Variants in TRPC4 observed in about 807,000 individuals in gnomAD.
TRPC4 encodes transient receptor potential cation channel subfamily C member 4.
A neutral mutation model predicts 99.4 loss-of-function variants in TRPC4; 49 were observed. The observed-to-expected ratio is 0.49, with a 90% CI of 0.39 to 0.63. The LOEUF is 0.63. TRPC4 is among the 20% of genes least tolerant of loss of function. TRPC4 has a pLI of 0.00. For missense variants in TRPC4, 898 were observed against 1,152.9 expected (o/e 0.78, Z 3.20); for synonymous variants, 454 against 425.9 (o/e 1.07, Z -0.81).
At chr13:37,790,330 C>T (rs1294278751) in intron 1 of TRPC4, among the ~76,000 whole-genome samples, 1 of 152,046 alleles carries the variant, frequency 6.6e-6, no homozygotes, top group African/African-American at 2.4e-5. Context: ...GAATAACTCC[C>T]TTAGGGACAG....
chr13:37,632,513 A>G lies in TRPC4; in HGVS notation c.*4390T>C, dbSNP rs1369902977. ...GAGTATAGGAGCTACGTTACTGAAC[A>G]GTGCAGCTCTAGAGGAAATTAACGG... On this transcript the variant is annotated 3_prime_UTR_variant, in exon 11 of 11. Coordinates refer to ENST00000379705, the MANE Select transcript of TRPC4 (RefSeq NM_016179.4). 1.3e-5 allele frequency among the ~76,000 whole-genome samples: 2 copies of G among 152,170 alleles called. No homozygotes were observed. Among genetic ancestry groups the G allele is most frequent in the Non-Finnish European group, 2.9e-5 (2 of 68,034 alleles).
Position 37,690,812 on chromosome 13 carries a change from CT to C in TRPC4, c.1234+1186del, listed in dbSNP as rs11389220. ...AACATATTTATCTCAAATAGGCTGT[CT>C]TTTTTTTTTCTGCCTTGATGTCATT... On this transcript the variant is annotated intron_variant, in intron 4 of 10. Coordinates refer to ENST00000379705, the MANE Select transcript of TRPC4 (RefSeq NM_016179.4). Among the ~76,000 whole-genome samples, 6 of 149,752 alleles carry C rather than the reference CT, an allele frequency of 4.0e-5. No individual in the cohort carries two copies. In the East Asian group the frequency reaches 5.9e-4, roughly 15 times the overall value.
At chr13:37,752,650 C>G (rs1955966935) in intron 2 of TRPC4, among the ~76,000 whole-genome samples, 1 of 151,568 alleles carries the variant, frequency 6.6e-6, no homozygotes, top group Admixed American at 6.6e-5. Context: ...TTCAGAATGT[C>G]CTAATGTTAC....
chr13:37,678,208 C>T (rs1417648171), intron 4 of TRPC4, among the ~76,000 whole-genome samples: 5 of 151,594 alleles, frequency 3.3e-5, no homozygotes, highest in Admixed American at 6.6e-5. Flanking sequence ...TCAATTAAGA[C>T]AGTATAAAAA....
At chr13:37,665,872 A>AG (rs1325898542) in intron 5 of TRPC4, among the ~76,000 whole-genome samples, 2 of 149,904 alleles carry the variant, frequency 1.3e-5, no homozygotes, top group Non-Finnish European at 3.0e-5. Flanking sequence ...AATACATAAG[A>AG]GGAAGGTTTT....
intron 4 of TRPC4, among the ~76,000 whole-genome samples, chr13:37,676,529 C>G (rs4943531): frequency 0.61 from 93,199 of 151,802 alleles, 29,583 homozygotes; most frequent in East Asian, 0.8. Context: ...CGCACTACCC[C>G]ATCCGGCTAA....
chr13:37,723,007 T>C (rs1954925934), intron 3 of TRPC4, among the ~76,000 whole-genome samples: 2 of 152,144 alleles, frequency 1.3e-5, no homozygotes, highest in African/African-American at 4.8e-5. Flanking sequence ...TGACTAGTAC[T>C]TAATGGGAGC....
Position 37,720,930 on chromosome 13 carries a change from A to T in TRPC4, c.897+25007T>A, listed in dbSNP as rs549033812. Among the ~76,000 whole-genome samples the T allele has an allele frequency of 7.2e-5, 11 of 152,206 alleles. 1 individual carries two copies. Among genetic ancestry groups the T allele is most frequent in the Non-Finnish European group, 1.6e-4 (11 of 68,030 alleles). ...TCAGTGATTTACACAACAGACTCAT[A>T]GGCTGGTGTAAAAATGTTTGCCACT... On this transcript the variant is annotated intron_variant, in intron 3 of 10. Transcript: ENST00000379705.
At chr13:37,768,992 T>C (rs1181176847) in intron 2 of TRPC4, among the ~76,000 whole-genome samples, 2 of 151,390 alleles carry the variant, frequency 1.3e-5, no homozygotes, top group Non-Finnish European at 3.0e-5. Context: ...TAGATCATGG[T>C]GGTTCACATT....
rs1472856549 is a variant in TRPC4, at chr13:37,655,410, A to G, written c.1689-127T>C. Reference sequence around the variant, plus strand: ...AATTAACTTAAACATTAATATCAACAGTAAAATAACCTTTTAGGACAATTA... The same window carrying G: ...AATTAACTTAAACATTAATATCAACGGTAAAATAACCTTTTAGGACAATTA... On this transcript the variant is annotated intron_variant, in intron 6 of 10. Coordinates refer to ENST00000379705, the MANE Select transcript of TRPC4 (RefSeq NM_016179.4). 5 of 339,308 alleles carry G rather than the reference A, an allele frequency of 1.5e-5. No homozygotes were observed. The Admixed American group carries it at 2.0e-4, about 14-fold the overall frequency. 21.0% of individuals were successfully genotyped at this position (339,308 alleles called of 1,614,324 possible).
chr13:37,750,801 C>T (rs952678400), intron 2 of TRPC4, among the ~76,000 whole-genome samples: 2 of 151,978 alleles, frequency 1.3e-5, no homozygotes, highest in African/African-American at 4.8e-5. Flanking sequence ...CTCCCCTAGC[C>T]CCCAACCCTC....
intron 8 of TRPC4, among the ~76,000 whole-genome samples, chr13:37,645,479 C>T (rs570379178): frequency 6.6e-6 from 1 of 152,244 alleles, no homozygotes; most frequent in East Asian, 1.9e-4. Context: ...TTTTCAATGC[C>T]GTTTTCTCTC....
Position 37,796,867 on chromosome 13 carries a change from A to G in TRPC4, c.-27-13507T>C, listed in dbSNP as rs931435005. Among the ~76,000 whole-genome samples, 4 of 150,520 alleles carry G rather than the reference A, an allele frequency of 2.7e-5. No homozygotes were observed. In the Admixed American group the frequency reaches 2.7e-4, roughly 10 times the overall value. ...CAGTACTTTGAGAGGCCAAGGCAAT[A>G]GGATTCCTTGAGCCCAGGAGTTCGA... On this transcript the variant is annotated intron_variant, in intron 1 of 10. Transcript: ENST00000379705.
chr13:37,748,808 TAAAG>T lies in TRPC4; in HGVS notation c.379-2357_379-2354del, dbSNP rs373249985. Among the ~76,000 whole-genome samples, 700 of 152,054 alleles carry T rather than the reference TAAAG, an allele frequency of 4.6e-3. 6 individuals carry two copies. The highest frequency in any genetic ancestry group is 0.016 in the African/African-American group (669 of 41,482). Reference sequence around the variant, plus strand: ...TCAAAAAATAACAGTGTAAAAGTATTAAAGAGAGATACAGTAAGTTTATTAAAAT... The same window carrying T: ...TCAAAAAATAACAGTGTAAAAGTATTAGAGATACAGTAAGTTTATTAAAAT... On this transcript the variant is annotated intron_variant, in intron 2 of 10. Coordinates refer to ENST00000379705, the MANE Select transcript of TRPC4 (RefSeq NM_016179.4).
intron 5 of TRPC4, among the ~76,000 whole-genome samples, chr13:37,669,077 G>A (rs1952750484): frequency 6.6e-6 from 1 of 152,008 alleles, no homozygotes; most frequent in African/African-American, 2.4e-5. Context: ...ATAAGAAATG[G>A]GATCTATGAG....
chr13:37,640,732 T>G (rs774027261), intron 8 of TRPC4, among the ~76,000 whole-genome samples: 4 of 152,162 alleles, frequency 2.6e-5, no homozygotes, highest in Non-Finnish European at 5.9e-5. Flanking sequence ...ACTGCACTTC[T>G]AAAAGGAAAC....
intron 3 of TRPC4, among the ~76,000 whole-genome samples, chr13:37,697,850 T>A (rs1165516217): frequency 6.6e-6 from 1 of 152,198 alleles, no homozygotes; most frequent in African/African-American, 2.4e-5. Flanking sequence ...CCATTGTATC[T>A]GATAAATATA....
chr13:37,854,230 G>T (rs1959128678), intron 1 of TRPC4, among the ~76,000 whole-genome samples: 1 of 152,150 alleles, frequency 6.6e-6, no homozygotes. Flanking sequence ...TCTGGCAGCA[G>T]ACTTTTCAGT....
intron 1 of TRPC4, among the ~76,000 whole-genome samples, chr13:37,860,234 G>T (rs987069733): frequency 6.6e-6 from 1 of 151,382 alleles, no homozygotes; most frequent in Admixed American, 6.6e-5. Flanking sequence ...CAAGTATTTT[G>T]TTATTTTAGA....
Sources: gnomAD v4.1 joint callset for allele counts (sites outside exome capture counted in the v4.1 genomes callset) on GRCh38, gnomAD v4.1.1 for gene constraint, MANE v1.5 for transcripts, NCBI Gene and HGNC (gene_info 2026-07-23, HGNC 2026-07-21) for gene names.